PRDM15: variants seen among roughly 807,000 people sequenced by gnomAD.
PRDM15 encodes PR/SET domain 15.
PRDM15 carries 64 observed loss-of-function variants against 128.6 expected under a neutral mutation model. The ratio of observed to expected loss-of-function variants is 0.50; its 90% CI spans 0.41 to 0.61. The LOEUF is 0.61. PRDM15 is among the 20% of genes least tolerant of loss of function. The pLI, the probability that PRDM15 is intolerant of heterozygous loss-of-function variation, is 0.00. For synonymous variants in PRDM15, 615 were observed against 621.8 expected, an observed-to-expected ratio of 0.99 and a Z score of 0.16; for missense variants, 1,242 against 1,569.1, an observed-to-expected ratio of 0.79 and a Z score of 3.52.
At chr21:41,861,585 G>A in intron 1 of PRDM15, 1 of 1,611,988 alleles carries the variant, frequency 6.2e-7, no homozygotes. Context: ...CCTGCAACCT[G>A]CTTCTCTGAT....
chr21:41,808,822 G>C (rs1484561455), intron 21 of PRDM15, among the ~76,000 whole-genome samples: 1 of 152,196 alleles, frequency 6.6e-6, no homozygotes, highest in Admixed American at 6.5e-5. Flanking sequence ...CAAACACACT[G>C]CTAAACTATC....
chr21:41,810,282 C>T lies in PRDM15; in HGVS notation c.2524G>A (p.Glu842Lys), dbSNP rs138311804. Reference protein sequence around the residue: ...CSVCDKKYVTEYMLQKHVQLT... With the variant: ...CSVCDKKYVTKYMLQKHVQLT... ...TGAACGTGCTTCTGCAGCATGTACT[C>T]GGTCACGTACTTCTTGTCGCACACG... Residue 842 changes from glutamate to lysine, a missense_variant, in exon 21 of 24, where the codon GAG becomes AAG. Transcript: ENST00000398548. The surrounding 1 kb of genome is among the most constrained non-coding windows in gnomAD (Gnocchi z 6.4). 6 of 1,613,552 alleles carry T rather than the reference C, an allele frequency of 3.7e-6. No individual in the cohort carries two copies. The highest frequency in any genetic ancestry group is 1.3e-5 in the African/African-American group (1 of 75,026).
At chr21:41,827,911 G>T (rs138425237) in intron 12 of PRDM15, among the ~76,000 whole-genome samples, 1 of 152,128 alleles carries the variant, frequency 6.6e-6, no homozygotes, top group South Asian at 2.1e-4. Context: ...TCCTTCCCCA[G>T]TGTGGAACAT....
At position 41,821,136 on chromosome 21, in the gene PRDM15, G is replaced by A. The variant is rs2062246741; in HGVS notation, c.1991C>T (p.Ala664Val). 1.2e-6 allele frequency: 2 copies of A among 1,614,250 alleles called. No individual in the cohort carries two copies. Among genetic ancestry groups the A allele is most frequent in the African/African-American group, 1.3e-5 (1 of 75,070 alleles). ...YGCSICNRRF[A>V]LKATYHAHMV... ...GTGGGCGTGGTAGGTGGCCTTCAGT[G>A]CAAAGCGCCGGTTGCAGATGCTGCA... Residue 664 changes from alanine to valine, a missense_variant, in exon 16 of 24, where the codon GCA becomes GTA. Around this residue, in one of 3 missense-constraint regions of PRDM15, gnomAD observed 602 missense variants for 788.3 expected, o/e 0.76. Coordinates refer to ENST00000398548, the MANE Select transcript of PRDM15 (RefSeq NM_001040424.3). The surrounding 1 kb of genome is among the most constrained non-coding windows in gnomAD (Gnocchi z 5.4).
Position 41,847,182 on chromosome 21 carries a change from G to T in PRDM15, c.548C>A (p.Thr183Asn), listed in dbSNP as rs756765796. 1.3e-6 allele frequency: 2 copies of T among 1,551,980 alleles called. No individual in the cohort carries two copies. The highest frequency in any genetic ancestry group is 3.9e-5 in the Admixed American group (2 of 50,850). Residue 183 changes from threonine to asparagine, a missense_variant, in exon 6 of 24, where the codon ACC becomes AAC. By Grantham distance (65) the Thr-to-Asn change is moderately conservative. Transcript: ENST00000398548. ...QAGSGVHAAG[T>N]PENSAPVESE... ...CTCCACGGGGGCGCTGTTTTCTGGG[G>T]TGCCTGCAGCTTCAAAAGACATGAG...
At chr21:41,861,686 C>CT (rs780391356) in intron 1 of PRDM15, 1 of 1,614,176 alleles carries the variant, frequency 6.2e-7, no homozygotes, top group South Asian at 1.1e-5. Flanking sequence ...TCCCCAGCAG[C>CT]TTGAAGGGTG....
intron 4 of PRDM15, among the ~76,000 whole-genome samples, chr21:41,856,072 TCCC>T (rs1408772197): frequency 5.9e-4 from 13 of 22,166 alleles, no homozygotes; most frequent in African/African-American, 8.3e-4. Flanking sequence ...CTCCCCTCCC[TCCC>T]TTCCTTCCCT....
At chr21:41,818,440 G>A (rs1313172293) in intron 18 of PRDM15, among the ~76,000 whole-genome samples, 3 of 140,126 alleles carry the variant, frequency 2.1e-5, no homozygotes, top group South Asian at 2.3e-4. Context: ...ATGTCTTGGC[G>A]AGGTGCATGC....
Position 41,809,422 on chromosome 21 carries a change from G to A in PRDM15, c.2652+732C>T, listed in dbSNP as rs933782448. On this transcript the variant is annotated intron_variant, in intron 21 of 23. Transcript: ENST00000398548. ...TAATTTTTATATTTTTAGTAGAGAC[G>A]GGGTTTCACCATGTTGGCCAGGCTG... Among the ~76,000 whole-genome samples the A allele has an allele frequency of 7.9e-5, 12 of 151,898 alleles. No homozygotes were observed. The South Asian group carries it at 1.9e-3, about 24-fold the overall frequency.
intron 1 of PRDM15, chr21:41,877,229 GCCTGC>G (rs1184371551): frequency 6.6e-6 from 1 of 151,632 alleles, no homozygotes; most frequent in African/African-American, 2.5e-5. Flanking sequence ...CCCGCCACCT[GCCTGC>G]CCTCCTTCCT....
At chr21:41,873,443 C>T (rs971117780) in intron 1 of PRDM15, among the ~76,000 whole-genome samples, 4 of 152,212 alleles carry the variant, frequency 2.6e-5, no homozygotes, top group African/African-American at 7.2e-5. Context: ...CTTCCAGCGT[C>T]GTGGCTGATG....
At position 41,866,404 on chromosome 21, in the gene PRDM15, C is replaced by A. The variant is rs543977317; in HGVS notation, c.-9-6032G>T. Among the ~76,000 whole-genome samples, 7 of 152,372 alleles carry A rather than the reference C, an allele frequency of 4.6e-5. No individual in the cohort carries two copies. In the East Asian group the frequency reaches 9.6e-4, roughly 21 times the overall value. ...GCTACCACAATGACCTGCGCTTGGC[C>A]TCTGCCATCCCCCGTCCATGACAGG... On this transcript the variant is annotated intron_variant, in intron 1 of 23. Coordinates refer to ENST00000398548, the MANE Select transcript of PRDM15 (RefSeq NM_001040424.3).
chr21:41,869,547 A>C (rs929198013), intron 1 of PRDM15, among the ~76,000 whole-genome samples: 1 of 151,788 alleles, frequency 6.6e-6, no homozygotes, highest in African/African-American at 2.4e-5. Flanking sequence ...CCCAGGTTCA[A>C]GTGATTCTCC....
chr21:41,858,437 G>A (rs1276770922), intron 3 of PRDM15, among the ~76,000 whole-genome samples: 4 of 151,852 alleles, frequency 2.6e-5, no homozygotes, highest in Admixed American at 1.3e-4. Flanking sequence ...AGGCCTCTCC[G>A]ACAGAGGCGG....
chr21:41,861,690 A>C (rs1281928403), intron 1 of PRDM15: 3 of 1,614,176 alleles, frequency 1.9e-6, no homozygotes, highest in Non-Finnish European at 2.5e-6. Flanking sequence ...CAGCAGCTTG[A>C]AGGGTGAAAA....
rs1406659046 is a variant in PRDM15 at position 41,826,017 on chromosome 21, A to G, written c.1572T>C (p.Gly524=). 4 of 1,613,974 alleles carry G rather than the reference A, an allele frequency of 2.5e-6. No individual in the cohort carries two copies. The highest frequency in any genetic ancestry group is 3.4e-6 in the Non-Finnish European group (4 of 1,180,024). The change falls in exon 13 of 24, where the codon GGT becomes GGC. Residue 524 remains glycine (G), a synonymous_variant. Transcript: ENST00000398548. ...RRVKREDLEA[G]GENLVRYKKE... is the part of the protein sequence containing the mutation. Reference sequence around the variant, plus strand: ...TCTTGTAACGGACCAGGTTCTCCCCACCGGCCTCCAGGTCCTCTCGCTTCA... The same window carrying G: ...TCTTGTAACGGACCAGGTTCTCCCCGCCGGCCTCCAGGTCCTCTCGCTTCA...
intron 16 of PRDM15, among the ~76,000 whole-genome samples, chr21:41,820,526 G>A (rs1160776086): frequency 1.3e-5 from 2 of 152,202 alleles, no homozygotes; most frequent in Non-Finnish European, 1.5e-5. Flanking sequence ...GCCCTATGAG[G>A]ACACAGGGAG....
chr21:41,816,821 C>T (rs1014377040), intron 18 of PRDM15, among the ~76,000 whole-genome samples: 1 of 151,704 alleles, frequency 6.6e-6, no homozygotes, highest in Non-Finnish European at 1.5e-5. Context: ...CGGGTGGGGA[C>T]GGCACCTGCA....
At position 41,854,749 on chromosome 21, in the gene PRDM15, G is replaced by A; in HGVS notation, c.355C>T (p.Leu119=). The A allele has an allele frequency of 2.5e-6, 4 of 1,613,018 alleles. No individual in the cohort carries two copies. Among genetic ancestry groups the A allele is most frequent in the Non-Finnish European group, 3.4e-6 (4 of 1,179,558 alleles). The part of the protein sequence containing the change: ...SNEDDCNWMM[L]VRPAAEAEHQ... The stretch of plus-strand genomic sequence containing the variant: ...TCGGCCTCCGCCGCTGGCCGCACCA[G>A]CATCATCCAGTTGCAGTCATCCTCG... Residue 119 remains leucine (L), a synonymous_variant, in exon 5 of 24, where the codon CTG becomes TTG. Transcript: ENST00000398548. This position sits in a 1 kb window ranked among gnomAD's most constrained non-coding sequence, Gnocchi z 4.6.
Sources: gnomAD v4.1 joint callset for allele counts (sites outside exome capture counted in the v4.1 genomes callset) on GRCh38, gnomAD v4.1.1 for gene constraint, gnomAD v4.1.1 regional missense constraint, Gnocchi (gnomAD v3.1) non-coding constraint, MANE v1.5 for transcripts, NCBI Gene and HGNC (gene_info 2026-07-23, HGNC 2026-07-21) for gene names.